EFHB: variants seen among roughly 807,000 people sequenced by gnomAD.
EFHB encodes EF-hand domain-containing family member B.
A neutral mutation model predicts 87.2 loss-of-function variants in EFHB; 91 were observed. That is an observed-to-expected ratio of 1.04 (90% CI 0.88 to 1.24). The LOEUF is 1.24. Among genes scored for constraint, EFHB ranks in the 50% most tolerant of loss-of-function variants. EFHB has a pLI of 0.00. For missense variants in EFHB, 1,084 were observed against 998.8 expected (o/e 1.09, Z -1.15); for synonymous variants, 325 against 333.6 (o/e 0.97, Z 0.28).
chr3:19,907,556 G>C (rs1489880267), intron 5 of EFHB, among the ~76,000 whole-genome samples: 4 of 152,238 alleles, frequency 2.6e-5, no homozygotes, highest in African/African-American at 9.6e-5. Context: ...ACTGAGATTT[G>C]GTGCGATCAT....
At chr3:19,893,242 A>G (rs1340166366) in intron 9 of EFHB, among the ~76,000 whole-genome samples, 1 of 152,172 alleles carries the variant, frequency 6.6e-6, no homozygotes, top group Non-Finnish European at 1.5e-5. Flanking sequence ...TGCCCAGCCC[A>G]TATTCTCTAT....
At chr3:19,927,044 C>T (rs1017570544) in intron 1 of EFHB, among the ~76,000 whole-genome samples, 1 of 152,218 alleles carries the variant, frequency 6.6e-6, no homozygotes, top group African/African-American at 2.4e-5. Flanking sequence ...CAGCCTCAAC[C>T]TCCCATAGCC....
intron 5 of EFHB, among the ~76,000 whole-genome samples, chr3:19,908,487 C>T (rs1474784955): frequency 6.6e-6 from 1 of 150,712 alleles, no homozygotes; most frequent in Non-Finnish European, 1.5e-5. Flanking sequence ...GAGCCGAGAT[C>T]AGGCCACTTC....
At chr3:19,946,623 G>A (rs1297336921) in intron 1 of EFHB, among the ~76,000 whole-genome samples, 1 of 152,084 alleles carries the variant, frequency 6.6e-6, no homozygotes, top group Admixed American at 6.5e-5. Context: ...GGGTAAATGC[G>A]ATTTAGCAGC....
chr3:19,923,961 G>A (rs1260004113), intron 1 of EFHB, among the ~76,000 whole-genome samples: 1 of 152,190 alleles, frequency 6.6e-6, no homozygotes, highest in South Asian at 2.1e-4. Flanking sequence ...GCTGGGCATG[G>A]TGGCCCATGC....
chr3:19,919,743 T>C (rs1416655734), intron 3 of EFHB, 90 bp downstream of exon 3: 2 of 1,287,482 alleles, frequency 1.6e-6, no homozygotes, highest in Admixed American at 2.0e-5. Flanking sequence ...GGGAAGGAGA[T>C]TGGAACTGAT....
intron 1 of EFHB, among the ~76,000 whole-genome samples, chr3:19,929,646 T>C (rs537195438): frequency 1.6e-4 from 24 of 145,614 alleles, no homozygotes; most frequent in Non-Finnish European, 3.1e-4. Flanking sequence ...GAGGCGGAGA[T>C]TGCAGCGAGC....
At chr3:19,928,355 T>TG (rs1695702237) in intron 1 of EFHB, among the ~76,000 whole-genome samples, 1 of 152,226 alleles carries the variant, frequency 6.6e-6, no homozygotes, top group Non-Finnish European at 1.5e-5. Flanking sequence ...GATACAAGTG[T>TG]TCTTAACTTT....
intron 1 of EFHB, among the ~76,000 whole-genome samples, chr3:19,930,220 T>A (rs994419980): frequency 6.6e-6 from 1 of 152,248 alleles, no homozygotes; most frequent in Non-Finnish European, 1.5e-5. Flanking sequence ...AATGTTATTA[T>A]TCTTGTGTTA....
chr3:19,887,506 T>C (rs1694149375), intron 10 of EFHB, among the ~76,000 whole-genome samples: 1 of 152,062 alleles, frequency 6.6e-6, no homozygotes, highest in South Asian at 2.1e-4. Context: ...TATGTATATA[T>C]GTATATCTAT....
At chr3:19,919,192 T>C (rs1229503152) in intron 3 of EFHB, among the ~76,000 whole-genome samples, 1 of 151,834 alleles carries the variant, frequency 6.6e-6, no homozygotes, top group East Asian at 1.9e-4. Context: ...AGACAGTCTT[T>C]TTTTGTTTGT....
chr3:19,881,937 G>T (rs2071685473), intron 12 of EFHB, among the ~76,000 whole-genome samples: 1 of 151,890 alleles, frequency 6.6e-6, no homozygotes, highest in Non-Finnish European at 1.5e-5. Flanking sequence ...TTCAGACCTA[G>T]CTGGTTTTAT....
upstream of EFHB, among the ~76,000 whole-genome samples, chr3:19,939,176 G>GA (rs398105653): frequency 2.6e-5 from 4 of 151,694 alleles, no homozygotes; most frequent in South Asian, 4.2e-4. Flanking sequence ...CAAAGTGCTG[G>GA]ATTACATGCA....
intron 1 of EFHB, among the ~76,000 whole-genome samples, chr3:19,927,602 T>C (rs1038165441): frequency 2.6e-5 from 4 of 152,206 alleles, no homozygotes; most frequent in African/African-American, 9.7e-5. Flanking sequence ...CGCTCAAAAC[T>C]GGAAAGATCT....
intron 3 of EFHB, among the ~76,000 whole-genome samples, chr3:19,919,453 T>C (rs1364643938): frequency 6.6e-6 from 1 of 151,454 alleles, no homozygotes; most frequent in African/African-American, 2.4e-5. Context: ...CGGATCCCCC[T>C]GCCTCAGCCT....
intron 7 of EFHB, 140 bp from the exon 8 acceptor site, chr3:19,898,985 T>C (rs1030944107): frequency 1.3e-5 from 10 of 759,502 alleles, no homozygotes; most frequent in African/African-American, 3.5e-5. Context: ...AGTTCTCCAA[T>C]AGATCTTTTG....
intron 12 of EFHB, 76 bp from the exon 13 acceptor site, chr3:19,879,880 TA>T (rs1311899394): frequency 8.6e-6 from 12 of 1,393,424 alleles, no homozygotes; most frequent in Non-Finnish European, 1.1e-5. Context: ...TTATAACATC[TA>T]AGACTATGGA....
At chr3:19,920,312 G>C (rs1187377537) in intron 2 of EFHB, among the ~76,000 whole-genome samples, 193 bp downstream of exon 2, 1 of 152,252 alleles carries the variant, frequency 6.6e-6, no homozygotes, top group Middle Eastern at 3.4e-3. Context: ...AATCCCTGTA[G>C]AGCTAGAAAT....
intron 5 of EFHB, among the ~76,000 whole-genome samples, chr3:19,907,614 T>G (rs1424266653): frequency 6.6e-6 from 1 of 152,194 alleles, no homozygotes; most frequent in South Asian, 2.1e-4. Flanking sequence ...TTAGAAACAT[T>G]CAAAGGGTGA....
Sources: gnomAD v4.1 joint callset for allele counts (sites outside exome capture counted in the v4.1 genomes callset) on GRCh38, gnomAD v4.1.1 for gene constraint, MANE v1.5 for transcripts, NCBI Gene and HGNC (gene_info 2026-07-23, HGNC 2026-07-21) for gene names.